ZC2HC1A: variants seen among roughly 807,000 people sequenced by gnomAD.
ZC2HC1A encodes zinc finger C2HC-type containing 1A.
In ZC2HC1A, 28 loss-of-function variants were observed where a neutral mutation model predicts 40.7. The ratio of observed to expected loss-of-function variants is 0.69; its 90% CI spans 0.51 to 0.94. The LOEUF is 0.94. ZC2HC1A is among the 40% of genes least tolerant of loss of function. The pLI is 0.00. For missense variants in ZC2HC1A, 389 were observed against 386.3 expected (o/e 1.01, Z -0.06); for synonymous variants, 129 against 129.2 (o/e 1.00, Z 0.01).
At chr8:78,712,943 G>A (rs545924217) in intron 7 of ZC2HC1A, among the ~76,000 whole-genome samples, 1 of 152,260 alleles carries the variant, frequency 6.6e-6, no homozygotes, top group South Asian at 2.1e-4. Flanking sequence ...AAAGGTAGGA[G>A]AAGTCTTTAA....
chr8:78,703,560 T>G (rs1020382584), intron 7 of ZC2HC1A, among the ~76,000 whole-genome samples: 3 of 151,788 alleles, frequency 2.0e-5, no homozygotes, highest in African/African-American at 4.8e-5. Flanking sequence ...TTTAAATCTT[T>G]GTTGGTTTAA....
At chr8:78,691,345 T>C (rs1290914080) in intron 5 of ZC2HC1A, among the ~76,000 whole-genome samples, 1 of 152,214 alleles carries the variant, frequency 6.6e-6, no homozygotes, top group Non-Finnish European at 1.5e-5. Flanking sequence ...TTGGCACTTT[T>C]ATCATTATAA....
chr8:78,711,177 C>T (rs542569895), intron 7 of ZC2HC1A, among the ~76,000 whole-genome samples: 1 of 152,080 alleles, frequency 6.6e-6, no homozygotes, highest in Non-Finnish European at 1.5e-5. Context: ...ATGTGTTATT[C>T]AGTAGCAAAT....
chr8:78,681,742 T>C (rs887722009), intron 3 of ZC2HC1A, among the ~76,000 whole-genome samples: 1 of 152,116 alleles, frequency 6.6e-6, no homozygotes. Context: ...TTTGTTCTGG[T>C]ATCTGTTTTG....
intron 7 of ZC2HC1A, among the ~76,000 whole-genome samples, chr8:78,712,603 C>T (rs1810985402): frequency 6.6e-6 from 1 of 152,068 alleles, no homozygotes; most frequent in Non-Finnish European, 1.5e-5. Context: ...GTAAATTCTG[C>T]CTACAACCGG....
At chr8:78,700,512 A>G (rs969329284) in intron 7 of ZC2HC1A, among the ~76,000 whole-genome samples, 1 of 152,116 alleles carries the variant, frequency 6.6e-6, no homozygotes, top group African/African-American at 2.4e-5. Flanking sequence ...TAGTTTAATT[A>G]CAGCCCATTT....
At chr8:78,677,112 C>T (rs758325953) in intron 2 of ZC2HC1A, among the ~76,000 whole-genome samples, 3 of 151,988 alleles carry the variant, frequency 2.0e-5, no homozygotes, top group African/African-American at 7.2e-5. Flanking sequence ...CTGCAAGACA[C>T]GAAATAATCC....
intron 4 of ZC2HC1A, among the ~76,000 whole-genome samples, chr8:78,686,858 A>T (rs1050394565): frequency 5.9e-5 from 9 of 152,152 alleles, no homozygotes; most frequent in Non-Finnish European, 8.8e-5. Context: ...AATATCATTT[A>T]AAAATTATTA....
At chr8:78,694,286 GT>G (rs34581027) in intron 5 of ZC2HC1A, among the ~76,000 whole-genome samples, 96,977 of 142,364 alleles carry the variant, frequency 0.68, 33,235 homozygotes, top group East Asian at 0.9. Context: ...TATGTTCCTT[GT>G]TTTTTTTTTT....
chr8:78,670,828 T>C lies in ZC2HC1A; in HGVS notation c.16+4664T>C, dbSNP rs140067389. Among the ~76,000 whole-genome samples, 874 of 152,240 alleles carry C rather than the reference T, an allele frequency of 5.7e-3. 8 individuals carry two copies. The highest frequency in any genetic ancestry group is 0.02 in the African/African-American group (819 of 41,538). On this transcript the variant is annotated intron_variant, in intron 1 of 8. Transcript: ENST00000263849. ...AAAATGCTGTGAAGGATGAAGGTTG[T>C]GTGTTGAGTCGGGTAGGCATTGACT...
intron 4 of ZC2HC1A, 138 bp downstream of exon 4, chr8:78,686,746 G>T: frequency 1.1e-6 from 1 of 893,820 alleles, no homozygotes; most frequent in Non-Finnish European, 1.5e-6. Context: ...GGTGTAAAAT[G>T]GTGGTGGTAA....
At chr8:78,700,700 C>T (rs1023523763) in intron 7 of ZC2HC1A, among the ~76,000 whole-genome samples, 1 of 152,094 alleles carries the variant, frequency 6.6e-6, no homozygotes, top group Non-Finnish European at 1.5e-5. Flanking sequence ...AGGAAGGGAT[C>T]CAGTTTCAGT....
At chr8:78,686,059 T>C (rs1809959399) in intron 3 of ZC2HC1A, 1 of 152,394 alleles carries the variant, frequency 6.6e-6, no homozygotes, top group Non-Finnish European at 1.5e-5. Flanking sequence ...GCTACTGGGA[T>C]AATGGCATTA....
intron 2 of ZC2HC1A, chr8:78,676,124 A>C (rs1809570583): frequency 3.4e-6 from 1 of 292,832 alleles, no homozygotes; most frequent in South Asian, 1.6e-4. Context: ...AACAAACAAA[A>C]TAAAAAAAAA....
At chr8:78,712,397 TA>T (rs1341378180) in intron 7 of ZC2HC1A, among the ~76,000 whole-genome samples, 1 of 152,172 alleles carries the variant, frequency 6.6e-6, no homozygotes, top group Non-Finnish European at 1.5e-5. Context: ...AAGTTTTTTT[TA>T]GTAGTAATTA....
intron 7 of ZC2HC1A, among the ~76,000 whole-genome samples, chr8:78,707,731 AAG>A (rs975568983): frequency 1.3e-5 from 2 of 152,304 alleles, no homozygotes; most frequent in African/African-American, 2.4e-5. Flanking sequence ...AACTACTGGA[AAG>A]AGAGCTGTGG....
intron 3 of ZC2HC1A, among the ~76,000 whole-genome samples, chr8:78,680,979 CAG>C (rs1426604830): frequency 6.6e-6 from 1 of 151,872 alleles, no homozygotes; most frequent in Non-Finnish European, 1.5e-5. Flanking sequence ...GGAGTAGGAA[CAG>C]AGAGTTGAGG....
At chr8:78,676,176 G>A (rs767708793) in intron 2 of ZC2HC1A, 17 of 187,350 alleles carry the variant, frequency 9.1e-5, no homozygotes, top group Non-Finnish European at 9.7e-5. Context: ...ATTATTTACA[G>A]ATACAAAATA....
rs781044570 is a variant in ZC2HC1A at position 78,697,500 on chromosome 8, G to A, written c.598G>A (p.Val200Ile). The A allele has an allele frequency of 3.7e-5, 60 of 1,605,490 alleles. No individual in the cohort carries two copies. Among genetic ancestry groups the A allele is most frequent in the Non-Finnish European group, 4.3e-5 (51 of 1,177,858 alleles). ...LPQPSGAGKT[V>I]VGVPSGKVSS... is the part of the protein sequence containing the mutation. The stretch of plus-strand genomic sequence containing the variant: ...GCAGCCAAGTGGCGCTGGCAAAACT[G>A]TTGTAGGTAATGATAGCCGAAAAGC... Residue 200 changes from valine to isoleucine, a missense_variant, in exon 6 of 9, where the codon GTT becomes ATT. Coordinates refer to ENST00000263849, the MANE Select transcript of ZC2HC1A (RefSeq NM_016010.3).
Sources: gnomAD v4.1 joint callset for allele counts (sites outside exome capture counted in the v4.1 genomes callset) on GRCh38, gnomAD v4.1.1 for gene constraint, MANE v1.5 for transcripts, NCBI Gene and HGNC (gene_info 2026-07-23, HGNC 2026-07-21) for gene names.